The following CTNND2 variants were observed in gnomAD, a reference collection of about 807,000 sequenced individuals.
CTNND2 encodes the protein catenin delta 2, also known as catenin delta-2.
CTNND2 carries 22 observed loss-of-function variants against 144.4 expected under a neutral mutation model. The observed-to-expected ratio is 0.15, with a 90% CI of 0.11 to 0.22. The LOEUF is 0.22. CTNND2 is among the 10% of genes least tolerant of loss of function. The pLI is 1.00. For synonymous variants in CTNND2, 751 were observed against 695.6 expected, an observed-to-expected ratio of 1.08 and a Z score of -1.25; for missense variants, 1,353 against 1,618.8, an observed-to-expected ratio of 0.84 and a Z score of 2.82.
chr5:11,384,750 G>A lies in CTNND2; in HGVS notation c.1092C>T (p.Arg364=). Residue 364 remains arginine (R), a synonymous_variant, in exon 7 of 22, where the codon CGC becomes CGT. Transcript: ENST00000304623. The surrounding 1 kb of genome is among the most constrained non-coding windows in gnomAD (Gnocchi z 5.2). ...GTYATLSPTK[R]LVHASEQYSK... ...TGTACTGCTCGGACGCGTGGACCAG[G>A]CGCTTGGTGGGCGACAGGGTGGCGT... is the stretch of plus-strand genomic sequence containing the variant. The A allele has an allele frequency of 6.2e-7, 1 of 1,612,928 alleles. No homozygotes were observed. The highest frequency in any genetic ancestry group is 8.5e-7 in the Non-Finnish European group (1 of 1,179,676).
In CTNND2 at chr5:11,018,126, G is replaced by A. The variant is rs1242112984; in HGVS notation, c.3000-68C>T. ...GCTGTGTCACATTTCTGTAATTCTT[G>A]TAGTATTTCAAACCTCTTCATTATT... On this transcript the variant is annotated intron_variant, in intron 17 of 21. Coordinates refer to ENST00000304623, the MANE Select transcript of CTNND2 (RefSeq NM_001332.4). The A allele has an allele frequency of 5.5e-6, 6 of 1,084,448 alleles. No individual in the cohort carries two copies. The East Asian group carries it at 9.5e-5, about 17-fold the overall frequency. The allele number at this position is 1,084,448 out of a possible 1,614,324, so 67.2% of individuals were successfully genotyped here.
chr5:10,988,104 C>T lies in CTNND2; in HGVS notation c.3343+7G>A, dbSNP rs1738236412. On this transcript the variant is annotated splice_region_variant and intron_variant, in intron 20 of 21. Transcript: ENST00000304623. This position sits in a 1 kb window ranked among gnomAD's most constrained non-coding sequence, Gnocchi z 5.9. ...GTTCCAGGAGGGGGCGCGCGAGGGG[C>T]GCTCACCTGTCATGGCATCTTTCCT... is the stretch of plus-strand genomic sequence containing the variant. The T allele has an allele frequency of 3.7e-6, 6 of 1,613,942 alleles. No individual in the cohort carries two copies. The highest frequency in any genetic ancestry group is 5.1e-6 in the Non-Finnish European group (6 of 1,179,914).
intron 6 of CTNND2, among the ~76,000 whole-genome samples, chr5:11,390,557 CA>C (rs1242121018): frequency 1.3e-5 from 2 of 152,196 alleles, no homozygotes; most frequent in East Asian, 3.8e-4. Flanking sequence ...TGTCACTAAG[CA>C]AAAGCACATT....
chr5:11,611,285 T>A (rs1213859953), intron 2 of CTNND2, among the ~76,000 whole-genome samples: 2 of 152,222 alleles, frequency 1.3e-5, no homozygotes, highest in Non-Finnish European at 2.9e-5. Context: ...ACCTCTTTCC[T>A]TTATAAATTA....
intron 1 of CTNND2, among the ~76,000 whole-genome samples, chr5:11,765,576 A>G (rs1789534429): frequency 6.6e-6 from 1 of 152,174 alleles, no homozygotes; most frequent in Admixed American, 6.5e-5. Flanking sequence ...TGAGGTATGG[A>G]CTTCAAGATC....
intron 2 of CTNND2, among the ~76,000 whole-genome samples, chr5:11,692,771 T>G (rs1190854841): frequency 2.6e-5 from 4 of 152,220 alleles, no homozygotes; most frequent in Non-Finnish European, 5.9e-5. Flanking sequence ...CTGGCTAATT[T>G]TTATATTTTT....
chr5:11,861,236 A>G (rs1561866233), intron 1 of CTNND2, among the ~76,000 whole-genome samples: 1 of 152,188 alleles, frequency 6.6e-6, no homozygotes, highest in Non-Finnish European at 1.5e-5. Flanking sequence ...GACTCGTATC[A>G]TCTACTGCCT....
chr5:11,511,304 CA>C (rs1472789071), intron 3 of CTNND2, among the ~76,000 whole-genome samples: 1 of 152,126 alleles, frequency 6.6e-6, no homozygotes, highest in African/African-American at 2.4e-5. Flanking sequence ...ACATCAAAAT[CA>C]AAGTTTTAAC....
intron 12 of CTNND2, among the ~76,000 whole-genome samples, chr5:11,141,176 G>A (rs544043827): frequency 6.6e-6 from 1 of 152,254 alleles, no homozygotes; most frequent in Non-Finnish European, 1.5e-5. Flanking sequence ...CTGGTCTTGA[G>A]CTCTTGGACT....
intron 1 of CTNND2, among the ~76,000 whole-genome samples, chr5:11,737,255 C>A (rs997833571): frequency 1.2e-4 from 19 of 152,268 alleles, no homozygotes; most frequent in African/African-American, 4.6e-4. Context: ...CAGGCTTTTG[C>A]CAACCTGATA....
chr5:11,719,101 T>C (rs891148125), intron 2 of CTNND2, among the ~76,000 whole-genome samples: 3 of 152,352 alleles, frequency 2.0e-5, no homozygotes, highest in African/African-American at 7.2e-5. Context: ...TTTTATCAGA[T>C]AATTAAAATC....
At position 11,903,357 on chromosome 5, in the gene CTNND2, T is replaced by G. The variant is rs1200552011; in HGVS notation, c.37+460A>C. On this transcript the variant is annotated intron_variant, in intron 1 of 21. Transcript: ENST00000304623. This position sits in a 1 kb window ranked among gnomAD's most constrained non-coding sequence, Gnocchi z 5.4. ...CCATGGACGCATATGACTAAGTCTT[T>G]CCATTTTGTTCTAGCCAAACATCGT... 1.0e-6 allele frequency: 1 copy of G among 991,122 alleles called. No individual in the cohort carries two copies. Among genetic ancestry groups the G allele is most frequent in the Non-Finnish European group, 1.2e-6 (1 of 833,964 alleles). 61.4% of individuals were successfully genotyped at this position (991,122 alleles called of 1,614,324 possible).
chr5:11,327,194 T>A (rs1488340085), intron 9 of CTNND2, among the ~76,000 whole-genome samples: 1 of 151,818 alleles, frequency 6.6e-6, no homozygotes, highest in East Asian at 1.9e-4. Context: ...CAAGGGCCAG[T>A]GGGAAAGGAC....
At chr5:10,993,600 A>AT (rs987540575) in intron 18 of CTNND2, among the ~76,000 whole-genome samples, 32 of 152,018 alleles carry the variant, frequency 2.1e-4, no homozygotes, top group Non-Finnish European at 2.4e-4. Context: ...TAGATTTTTT[A>AT]TTTTTTTCCC....
intron 17 of CTNND2, among the ~76,000 whole-genome samples, chr5:11,020,719 C>T (rs1742152323): frequency 6.6e-6 from 1 of 151,918 alleles, no homozygotes; most frequent in Non-Finnish European, 1.5e-5. Flanking sequence ...TTTTGATCTC[C>T]AAATTAGTCA....
intron 2 of CTNND2, among the ~76,000 whole-genome samples, chr5:11,725,724 T>C (rs1223569681): frequency 6.6e-6 from 1 of 152,208 alleles, no homozygotes; most frequent in African/African-American, 2.4e-5. Flanking sequence ...TCTGAGGAAA[T>C]GTTTCACATG....
At chr5:11,619,448 C>T (rs1780731755) in intron 2 of CTNND2, among the ~76,000 whole-genome samples, 1 of 151,970 alleles carries the variant, frequency 6.6e-6, no homozygotes, top group Non-Finnish European at 1.5e-5. Flanking sequence ...AATTTATTCT[C>T]AGTATTTTTT....
Position 11,384,870 on chromosome 5 carries a change from G to C in CTNND2, c.972C>G (p.Ala324=), listed in dbSNP as rs774018497. 6.2e-7 allele frequency: 1 copy of C among 1,612,220 alleles called. No homozygotes were observed. The highest frequency in any genetic ancestry group is 8.5e-7 in the Non-Finnish European group (1 of 1,179,452). ...AGGTCACGCGGATCGGGGACAGGCC[G>C]GCCGAGGACACGACGATGTTGATGG... ...SSPINIVVSS[A]GLSPIRVTSP... The change falls in exon 7 of 22, where the codon GCC becomes GCG. Residue 324 remains alanine (A), a synonymous_variant. Transcript: ENST00000304623. This position sits in a 1 kb window ranked among gnomAD's most constrained non-coding sequence, Gnocchi z 5.2.
chr5:11,469,977 C>T (rs1039905507), intron 3 of CTNND2, among the ~76,000 whole-genome samples: 1 of 152,136 alleles, frequency 6.6e-6, no homozygotes, highest in Non-Finnish European at 1.5e-5. Context: ...TACCGGAGTG[C>T]ATATCCTATG....
Sources: gnomAD v4.1 joint callset for allele counts (sites outside exome capture counted in the v4.1 genomes callset) on GRCh38, gnomAD v4.1.1 for gene constraint, Gnocchi (gnomAD v3.1) non-coding constraint, MANE v1.5 for transcripts, NCBI Gene and HGNC (gene_info 2026-07-23, HGNC 2026-07-21) for gene names.